The following ASB13 variants were observed in gnomAD, a reference collection of about 807,000 sequenced individuals.
The protein encoded by ASB13 is ankyrin repeat and SOCS box containing 13, also known as ankyrin repeat and SOCS box protein 13.
ASB13 carries 33 observed loss-of-function variants against 28.8 expected under a neutral mutation model. The ratio of observed to expected loss-of-function variants is 1.15; its 90% CI spans 0.87 to 1.53. The LOEUF (loss-of-function observed/expected upper bound fraction) is 1.53, where lower values mean the gene tolerates loss of function less well. Ranked by LOEUF, ASB13 falls within the 40% of genes most tolerant of loss-of-function variation. The pLI is 0.00. For synonymous variants in ASB13, 182 were observed against 172.9 expected (o/e 1.05, Z -0.41); for missense variants, 414 against 390.1 (o/e 1.06, Z -0.52).
intron 1 of ASB13, among the ~76,000 whole-genome samples, chr10:5,665,706 T>C (rs780643863): frequency 6.6e-5 from 10 of 152,238 alleles, no homozygotes; most frequent in Non-Finnish European, 1.2e-4. Context: ...TTTGCCTTGC[T>C]ATGACTGCAA....
chr10:5,646,222 T>G (rs1245876192), intron 4 of ASB13, among the ~76,000 whole-genome samples: 4 of 152,216 alleles, frequency 2.6e-5, no homozygotes, highest in African/African-American at 4.8e-5. Flanking sequence ...CACCCCCGAC[T>G]GTGCTGCCAC....
At chr10:5,665,798 A>G (rs1835249083) in intron 1 of ASB13, among the ~76,000 whole-genome samples, 1 of 150,398 alleles carries the variant, frequency 6.6e-6, no homozygotes, top group African/African-American at 2.4e-5. Context: ...TATGCTTTAG[A>G]TTTTTTTTTT....
chr10:5,654,145 C>CTTTTTTT (rs145949502), intron 1 of ASB13, among the ~76,000 whole-genome samples: 1 of 128,780 alleles, frequency 7.8e-6, no homozygotes, highest in African/African-American at 2.9e-5. Context: ...TTCTTTTTTT[C>CTTTTTTT]TTTTTTTTTT....
chr10:5,660,229 T>C lies in ASB13; in HGVS notation c.43+6280A>G, dbSNP rs533652862. 6.6e-6 allele frequency among the ~76,000 whole-genome samples: 1 copy of C among 152,320 alleles called. No individual in the cohort carries two copies. Among genetic ancestry groups the C allele is most frequent in the African/African-American group, 2.4e-5 (1 of 41,570 alleles). ...ACTGCAGACTACGGCAGACGTCACC[T>C]TGAGAAGGAATGACACGTGCTTCAG... On this transcript the variant is annotated intron_variant, in intron 1 of 5. Transcript: ENST00000357700. The surrounding 1 kb of genome is among the most constrained non-coding windows in gnomAD (Gnocchi z 6.1).
chr10:5,647,520 A>G (rs1330028526), intron 4 of ASB13, among the ~76,000 whole-genome samples: 1 of 152,110 alleles, frequency 6.6e-6, no homozygotes, highest in Non-Finnish European at 1.5e-5. Flanking sequence ...TGGATTCCAA[A>G]TGCTCCATAT....
At position 5,644,300 on chromosome 10, in the gene ASB13, C is replaced by T. The variant is rs1834850328; in HGVS notation, c.518-2339G>A. Among the ~76,000 whole-genome samples the T allele has an allele frequency of 6.6e-6, 1 of 152,156 alleles. No homozygotes were observed. Among genetic ancestry groups the T allele is most frequent in the African/African-American group, 2.4e-5 (1 of 41,432 alleles). ...CTTGGGCCCAGGAAATCGAGACCAG[C>T]CTGCGCAACATAGTGAGACCCTAGC... On this transcript the variant is annotated intron_variant, in intron 4 of 5. Coordinates refer to ENST00000357700, the MANE Select transcript of ASB13 (RefSeq NM_024701.4). The surrounding 1 kb of genome is among the most constrained non-coding windows in gnomAD (Gnocchi z 5.1).
At position 5,645,693 on chromosome 10, in the gene ASB13, G is replaced by A. The variant is rs892184393; in HGVS notation, c.517+3277C>T. 4.6e-5 allele frequency among the ~76,000 whole-genome samples: 7 copies of A among 152,078 alleles called. No homozygotes were observed. The highest frequency in any genetic ancestry group is 7.2e-5 in the African/African-American group (3 of 41,408). On this transcript the variant is annotated intron_variant, in intron 4 of 5. Transcript: ENST00000357700. The surrounding 1 kb of genome is among the most constrained non-coding windows in gnomAD (Gnocchi z 5.4). ...GGTTCAAATGATCCAGGCTTGAGCC[G>A]ATCAGAATTTGGCAAAGTTTGGGCA...
Position 5,656,268 on chromosome 10 carries a change from G to C in ASB13, c.44-3218C>G, listed in dbSNP as rs1361498330. Among the ~76,000 whole-genome samples the C allele has an allele frequency of 1.3e-5, 2 of 152,242 alleles. No individual in the cohort carries two copies. The highest frequency in any genetic ancestry group is 4.8e-5 in the African/African-American group (2 of 41,466). On this transcript the variant is annotated intron_variant, in intron 1 of 5. Coordinates refer to ENST00000357700, the MANE Select transcript of ASB13 (RefSeq NM_024701.4). The surrounding 1 kb of genome is among the most constrained non-coding windows in gnomAD (Gnocchi z 4.3). ...CCAATTATAAAGTCTGACTGGTCAA[G>C]GTGGTTCAAGCCTGTAATCCCAGCA... is the stretch of plus-strand genomic sequence containing the variant.
rs1564216812 is a variant in ASB13 at position 5,648,348 on chromosome 10, CAACACCCACGG to C, written c.517+611_517+621del. 3.8e-3 allele frequency among the ~76,000 whole-genome samples: 349 copies of C among 92,112 alleles called. 2 individuals are homozygous for C. Among genetic ancestry groups the C allele is most frequent in the South Asian group, 0.016 (40 of 2,492 alleles). The allele number at this position is 92,112 out of a possible 152,430, so 60.4% of individuals were successfully genotyped here. A position where few individuals can be genotyped will look rare whatever the true frequency, so the allele number is the denominator to read the frequency against. On this transcript the variant is annotated intron_variant, in intron 4 of 5. Transcript: ENST00000357700. ...CCCCTCGGGTAAACACCCACGTGGGCAACACCCACGGGGGTAAACACCCATGCAGGCAAACA... is the reference window on the plus strand; with the variant it reads ...CCCCTCGGGTAAACACCCACGTGGGCGGGTAAACACCCATGCAGGCAAACA...
intron 1 of ASB13, 71 bp from the exon 2 acceptor site, chr10:5,653,121 T>G: frequency 7.1e-7 from 1 of 1,412,060 alleles, no homozygotes; most frequent in Non-Finnish European, 9.5e-7. Flanking sequence ...CACGTAAGAC[T>G]CCAGGGTCCC....
chr10:5,652,795 C>T lies in ASB13; in HGVS notation c.231+68G>A, dbSNP rs1051558270. 20 of 1,436,500 alleles carry T rather than the reference C, an allele frequency of 1.4e-5. No individual in the cohort carries two copies. The highest frequency in any genetic ancestry group is 1.2e-4 in the Admixed American group (5 of 40,634). 89.0% of individuals were successfully genotyped at this position (1,436,500 alleles called of 1,614,324 possible). A position where few individuals can be genotyped will look rare whatever the true frequency, so the allele number is the denominator to read the frequency against. ...CATCCTCCCCTCTTTCCCAAGTTCTCCTGAGTCAACCTCCTCCATTCTGGC... is the reference window on the plus strand; with the variant it reads ...CATCCTCCCCTCTTTCCCAAGTTCTTCTGAGTCAACCTCCTCCATTCTGGC... On this transcript the variant is annotated intron_variant, in intron 2 of 5. Coordinates refer to ENST00000357700, the MANE Select transcript of ASB13 (RefSeq NM_024701.4). This position sits in a 1 kb window ranked among gnomAD's most constrained non-coding sequence, Gnocchi z 5.0.
chr10:5,649,218 C>G lies in ASB13; in HGVS notation c.383-114G>C. 1 of 1,462,552 alleles carries G rather than the reference C, an allele frequency of 6.8e-7. No homozygotes were observed. The highest frequency in any genetic ancestry group is 1.2e-5 in the South Asian group (1 of 80,566). 90.6% of individuals were successfully genotyped at this position (1,462,552 alleles called of 1,614,324 possible). ...CATCCTTGGTGCAGGGCAGGGAAGC[C>G]AGGCAGGCCTGCGTCCCAACCTAGG... On this transcript the variant is annotated intron_variant, in intron 3 of 5. Coordinates refer to ENST00000357700, the MANE Select transcript of ASB13 (RefSeq NM_024701.4). The surrounding 1 kb of genome is among the most constrained non-coding windows in gnomAD (Gnocchi z 6.4).
rs543174505 is a variant in ASB13 at position 5,639,880 on chromosome 10, C to A, written c.*823G>T. On this transcript the variant is annotated 3_prime_UTR_variant, in exon 6 of 6. Transcript: ENST00000357700. The stretch of plus-strand genomic sequence containing the variant: ...CGAGCCACGAGAATATACACCTTGA[C>A]ACACCTTCACACTGCTGTCGGTTTG... The A allele has an allele frequency of 2.0e-5, 3 of 152,614 alleles. No homozygotes were observed. In the South Asian group the frequency reaches 6.2e-4, roughly 32 times the overall value. The allele number at this position is 152,614 out of a possible 1,614,324, so 9.5% of individuals were successfully genotyped here.
At position 5,645,382 on chromosome 10, in the gene ASB13, C is replaced by T. The variant is rs989067619; in HGVS notation, c.518-3421G>A. 3.9e-5 allele frequency among the ~76,000 whole-genome samples: 6 copies of T among 152,134 alleles called. No homozygotes were observed. The highest frequency in any genetic ancestry group is 1.2e-4 in the African/African-American group (5 of 41,424). Reference sequence around the variant, plus strand: ...AGGACCGTCCTCAGGGAGCCGCTTCCGAACACTCCTGGCAGAGTTCAACAT... The same window carrying T: ...AGGACCGTCCTCAGGGAGCCGCTTCTGAACACTCCTGGCAGAGTTCAACAT... On this transcript the variant is annotated intron_variant, in intron 4 of 5. Coordinates refer to ENST00000357700, the MANE Select transcript of ASB13 (RefSeq NM_024701.4). The surrounding 1 kb of genome is among the most constrained non-coding windows in gnomAD (Gnocchi z 5.4).
rs531952891 is a variant in ASB13 at position 5,656,991 on chromosome 10, T to C, written c.44-3941A>G. On this transcript the variant is annotated intron_variant, in intron 1 of 5. Coordinates refer to ENST00000357700, the MANE Select transcript of ASB13 (RefSeq NM_024701.4). This position sits in a 1 kb window ranked among gnomAD's most constrained non-coding sequence, Gnocchi z 4.3. ...CTGCCACCAACTCTTGTCTCTCGTATTTGGCTTTTGAGCAGTAAGCAGCCA... is the reference window on the plus strand; with the variant it reads ...CTGCCACCAACTCTTGTCTCTCGTACTTGGCTTTTGAGCAGTAAGCAGCCA... 6.6e-6 allele frequency among the ~76,000 whole-genome samples: 1 copy of C among 152,350 alleles called. No individual in the cohort carries two copies. The highest frequency in any genetic ancestry group is 2.4e-5 in the African/African-American group (1 of 41,578).
Position 5,656,366 on chromosome 10 carries a change from C to T in ASB13, c.44-3316G>A, listed in dbSNP as rs561203157. ...CAGCCTGGCCAACATGGTGAAACCC[C>T]ATCTCTACTAAAAATACAAAGAATT... On this transcript the variant is annotated intron_variant, in intron 1 of 5. Coordinates refer to ENST00000357700, the MANE Select transcript of ASB13 (RefSeq NM_024701.4). This position sits in a 1 kb window ranked among gnomAD's most constrained non-coding sequence, Gnocchi z 4.3. Among the ~76,000 whole-genome samples, 5 of 152,276 alleles carry T rather than the reference C, an allele frequency of 3.3e-5. No homozygotes were observed. The East Asian group carries it at 9.7e-4, about 29-fold the overall frequency.
In ASB13 at chr10:5,651,388, C is replaced by A; in HGVS notation, c.232-25G>T. ...CCTCACGGGAGGAAGAAACAAGTGT[C>A]AAAGGGCAGAGAAATGCCACGCAAC... On this transcript the variant is annotated intron_variant, in intron 2 of 5. Coordinates refer to ENST00000357700, the MANE Select transcript of ASB13 (RefSeq NM_024701.4). The surrounding 1 kb of genome is among the most constrained non-coding windows in gnomAD (Gnocchi z 5.1). 2 of 1,568,990 alleles carry A rather than the reference C, an allele frequency of 1.3e-6. No individual in the cohort carries two copies. Among genetic ancestry groups the A allele is most frequent in the East Asian group, 2.3e-5 (1 of 43,362 alleles).
Position 5,649,058 on chromosome 10 carries a change from C to T in ASB13, c.429G>A (p.Leu143=). The T allele has an allele frequency of 1.9e-6, 3 of 1,614,264 alleles. No homozygotes were observed. The highest frequency in any genetic ancestry group is 2.5e-6 in the Non-Finnish European group (3 of 1,180,042). Residue 143 remains leucine, a synonymous_variant, in exon 4 of 6, where the codon CTG becomes CTA. Transcript: ENST00000357700. The surrounding 1 kb of genome is among the most constrained non-coding windows in gnomAD (Gnocchi z 6.4). ...VRLLIDVGAN[L]EAHDCHFGTP... ...TCCCAAAATGGCAATCGTGCGCTTC[C>T]AGATTGGCCCCGACGTCAATAAGAA...
chr10:5,646,163 A>G (rs10905795), intron 4 of ASB13, among the ~76,000 whole-genome samples: 97,589 of 151,984 alleles, frequency 0.64, 32,854 homozygotes, highest in Non-Finnish European at 0.77. Context: ...TGGGAACCCC[A>G]CTTTAGGGCG....
Sources: gnomAD v4.1 joint callset for allele counts (sites outside exome capture counted in the v4.1 genomes callset) on GRCh38, gnomAD v4.1.1 for gene constraint, Gnocchi (gnomAD v3.1) non-coding constraint, MANE v1.5 for transcripts, NCBI Gene and HGNC (gene_info 2026-07-23, HGNC 2026-07-21) for gene names.